DCC: variants seen among roughly 807,000 people sequenced by gnomAD.
DCC encodes the protein DCC netrin 1 receptor, also known as netrin receptor DCC.
In DCC, 58 loss-of-function variants were observed where a neutral mutation model predicts 172.5. The ratio of observed to expected loss-of-function variants is 0.34; its 90% CI spans 0.27 to 0.42. The LOEUF (loss-of-function observed/expected upper bound fraction) is 0.42, where lower values mean the gene tolerates loss of function less well. Among genes scored for constraint, DCC ranks in the 10% least tolerant of loss-of-function variants. The probability of loss-of-function intolerance (pLI) is 1.00; values close to 1 mark genes in which losing one functional copy is unlikely to be tolerated. For missense variants in DCC, 1,740 were observed against 1,791.0 expected (o/e 0.97, Z 0.51); for synonymous variants, 709 against 644.5 (o/e 1.10, Z -1.52).
chr18:53,246,532 AAAC>A (rs1032328796), intron 12 of DCC, among the ~76,000 whole-genome samples: 1 of 152,020 alleles, frequency 6.6e-6, no homozygotes, highest in African/African-American at 2.4e-5. Flanking sequence ...AAGAAAAAAA[AAAC>A]AGGTGAATTA....
chr18:52,553,733 T>C (rs1424315031), intron 1 of DCC, among the ~76,000 whole-genome samples: 2 of 151,998 alleles, frequency 1.3e-5, no homozygotes, highest in South Asian at 2.1e-4. Flanking sequence ...GGAGGATTAA[T>C]AGAAAGGATG....
rs181418627 is a variant in DCC at position 53,444,435 on chromosome 18, A to G, written c.3230-6065A>G. ...AATCTCTTGAACCCAGGATGCGGAG[A>G]TTGCAATGAGCTGAGATCACACCAC... On this transcript the variant is annotated intron_variant, in intron 22 of 28. Coordinates refer to ENST00000442544, the MANE Select transcript of DCC (RefSeq NM_005215.4). Among the ~76,000 whole-genome samples, 17 of 152,270 alleles carry G rather than the reference A, an allele frequency of 1.1e-4. No individual in the cohort carries two copies. In the East Asian group the frequency reaches 3.3e-3, roughly 29 times the overall value.
Position 53,453,395 on chromosome 18 carries a change from T to C in DCC, c.3392+2733T>C, listed in dbSNP as rs988591711. ...ATTGGACTTTAATGTAATTAATAAG[T>C]TGAAGTAGAAAACGCATTCACGAGC... On this transcript the variant is annotated intron_variant, in intron 23 of 28. Coordinates refer to ENST00000442544, the MANE Select transcript of DCC (RefSeq NM_005215.4). Among the ~76,000 whole-genome samples the C allele has an allele frequency of 5.9e-5, 9 of 152,324 alleles. 1 individual carries two copies. Among genetic ancestry groups the C allele is most frequent in the South Asian group, 4.1e-4 (2 of 4,826 alleles).
At chr18:53,133,875 C>A (rs1185025314) in intron 7 of DCC, among the ~76,000 whole-genome samples, 2 of 151,996 alleles carry the variant, frequency 1.3e-5, no homozygotes, top group African/African-American at 4.8e-5. Flanking sequence ...CCAGGTCATA[C>A]AAAGAAGAAT....
intron 12 of DCC, among the ~76,000 whole-genome samples, chr18:53,225,070 T>G (rs186225373): frequency 6.6e-6 from 1 of 152,076 alleles, no homozygotes; most frequent in African/African-American, 2.4e-5. Context: ...ATTTCACAGA[T>G]GTCATGGTGG....
chr18:53,170,593 T>C (rs2054997942), intron 8 of DCC, among the ~76,000 whole-genome samples: 1 of 152,178 alleles, frequency 6.6e-6, no homozygotes, highest in African/African-American at 2.4e-5. Context: ...TCTTATGAAG[T>C]TGTGGTGGTA....
At chr18:53,506,204 G>T (rs1035295432) in intron 27 of DCC, among the ~76,000 whole-genome samples, 106 of 152,036 alleles carry the variant, frequency 7.0e-4, no homozygotes, top group African/African-American at 2.4e-3. Context: ...TGGTTGAATT[G>T]GTCAGAATAT....
At chr18:53,356,410 T>C (rs78813901) in intron 15 of DCC, among the ~76,000 whole-genome samples, 1 of 152,190 alleles carries the variant, frequency 6.6e-6, no homozygotes, top group Non-Finnish European at 1.5e-5. Context: ...CTAGAGATGT[T>C]CGTGTTTTTA....
chr18:53,207,053 A>G (rs1489480759), intron 10 of DCC, among the ~76,000 whole-genome samples: 2 of 151,938 alleles, frequency 1.3e-5, no homozygotes, highest in South Asian at 2.1e-4. Flanking sequence ...GCCTTTCTAT[A>G]TATTTTAGCT....
At chr18:52,925,552 A>G (rs2040188269) in intron 5 of DCC, among the ~76,000 whole-genome samples, 182 bp downstream of exon 5, 1 of 151,998 alleles carries the variant, frequency 6.6e-6, no homozygotes, top group Non-Finnish European at 1.5e-5. Context: ...GCAATGTTTG[A>G]ATACTTATTA....
chr18:53,420,496 A>G (rs1413816341), intron 21 of DCC, among the ~76,000 whole-genome samples: 1 of 152,282 alleles, frequency 6.6e-6, no homozygotes, highest in Non-Finnish European at 1.5e-5. Flanking sequence ...GTTAAACAAC[A>G]GAAAGTTATA....
chr18:52,982,582 TG>T (rs2041229458), intron 5 of DCC, among the ~76,000 whole-genome samples: 1 of 152,060 alleles, frequency 6.6e-6, no homozygotes, highest in African/African-American at 2.4e-5. Flanking sequence ...CATGGGAGTA[TG>T]TTTAGAATCA....
chr18:52,583,846 C>T (rs1368990432), intron 1 of DCC, among the ~76,000 whole-genome samples: 1 of 152,202 alleles, frequency 6.6e-6, no homozygotes, highest in Non-Finnish European at 1.5e-5. Context: ...ATATAACTCA[C>T]TTTATATAGC....
intron 2 of DCC, among the ~76,000 whole-genome samples, chr18:52,827,672 C>T (rs1390172492): frequency 6.6e-6 from 1 of 152,250 alleles, no homozygotes; most frequent in African/African-American, 2.4e-5. Context: ...CACAATAGCT[C>T]TTCTACTACT....
intron 2 of DCC, among the ~76,000 whole-genome samples, chr18:52,890,932 C>G: frequency 6.6e-6 from 1 of 151,986 alleles, no homozygotes. Context: ...TGTTCTTGAT[C>G]TTCTCTTCCT....
At chr18:53,463,814 C>T (rs1275021364) in intron 24 of DCC, among the ~76,000 whole-genome samples, 1 of 152,102 alleles carries the variant, frequency 6.6e-6, no homozygotes, top group South Asian at 2.1e-4. Context: ...TTGTTTTGCG[C>T]CCATGAAATT....
At chr18:52,891,549 A>G (rs915078957) in intron 2 of DCC, among the ~76,000 whole-genome samples, 4 of 152,074 alleles carry the variant, frequency 2.6e-5, no homozygotes, top group Admixed American at 6.6e-5. Context: ...ATTGACATTG[A>G]ATAATTAGCC....
intron 15 of DCC, among the ~76,000 whole-genome samples, chr18:53,381,014 A>T (rs1198718677): frequency 6.6e-6 from 1 of 152,120 alleles, no homozygotes; most frequent in Non-Finnish European, 1.5e-5. Flanking sequence ...ATGGCTAAAG[A>T]TCAAGTGAAA....
At chr18:52,893,693 A>G (rs1341336098) in intron 2 of DCC, among the ~76,000 whole-genome samples, 1 of 152,198 alleles carries the variant, frequency 6.6e-6, no homozygotes, top group Non-Finnish European at 1.5e-5. Flanking sequence ...ACTTAACTAT[A>G]ACATAGCACA....
Sources: gnomAD v4.1 joint callset for allele counts (sites outside exome capture counted in the v4.1 genomes callset) on GRCh38, gnomAD v4.1.1 for gene constraint, MANE v1.5 for transcripts, NCBI Gene and HGNC (gene_info 2026-07-23, HGNC 2026-07-21) for gene names.